Variants in PPP2R2C observed in about 807,000 individuals in gnomAD.
The protein encoded by PPP2R2C is protein phosphatase 2 regulatory subunit Bgamma.
PPP2R2C carries 10 observed loss-of-function variants against 45.3 expected under a neutral mutation model. The ratio of observed to expected loss-of-function variants is 0.22; its 90% CI spans 0.14 to 0.37. The LOEUF (loss-of-function observed/expected upper bound fraction) is 0.37. PPP2R2C is among the 10% of genes least tolerant of loss of function. The pLI, the probability that PPP2R2C is intolerant of heterozygous loss-of-function variation, is 1.00. For synonymous variants in PPP2R2C, 257 were observed against 245.4 expected (o/e 1.05, Z -0.44); for missense variants, 308 against 619.7 (o/e 0.50, Z 5.34).
chr4:6,447,253 G>T (rs565021681), intron 1 of PPP2R2C, among the ~76,000 whole-genome samples: 1 of 152,154 alleles, frequency 6.6e-6, no homozygotes, highest in Non-Finnish European at 1.5e-5. Flanking sequence ...GAGGAGGCCT[G>T]CGGTGCAGAG....
intron 1 of PPP2R2C, chr4:6,383,703 T>C (rs1355141701): frequency 4.4e-6 from 3 of 680,288 alleles, no homozygotes; most frequent in Non-Finnish European, 5.9e-6. Context: ...TTTTTCTTTC[T>C]GTAAAGGCTT....
At chr4:6,528,041 C>G (rs1164247863) in intron 2 of PPP2R2C, among the ~76,000 whole-genome samples, 5 of 152,258 alleles carry the variant, frequency 3.3e-5, no homozygotes, top group Admixed American at 3.3e-4. Context: ...AATCTCAGGA[C>G]GGTGAGCGCA....
At chr4:6,432,180 T>A (rs908921201) in intron 1 of PPP2R2C, among the ~76,000 whole-genome samples, 1 of 152,192 alleles carries the variant, frequency 6.6e-6, no homozygotes, top group African/African-American at 2.4e-5. Context: ...CCCATCCTCA[T>A]GGCTATGGTC....
chr4:6,449,253 C>G (rs1160579390), intron 1 of PPP2R2C, among the ~76,000 whole-genome samples: 3 of 152,192 alleles, frequency 2.0e-5, no homozygotes, highest in African/African-American at 7.2e-5. Flanking sequence ...CTAGACACAA[C>G]CTGATGTTGA....
chr4:6,435,478 T>C (rs1158326811), intron 1 of PPP2R2C, among the ~76,000 whole-genome samples: 1 of 152,234 alleles, frequency 6.6e-6, no homozygotes. Context: ...GATATTTTCA[T>C]CTGATTTATG....
intron 2 of PPP2R2C, among the ~76,000 whole-genome samples, chr4:6,525,923 C>T (rs572962817): frequency 1.0e-3 from 155 of 152,192 alleles, no homozygotes; most frequent in African/African-American, 3.5e-3. Flanking sequence ...AGGCTGGTCT[C>T]GAACTCCTGA....
At chr4:6,383,773 A>G (rs1716030150) in intron 1 of PPP2R2C, 1 of 990,184 alleles carries the variant, frequency 1.0e-6, no homozygotes, top group East Asian at 1.0e-4. Context: ...CAGGAGCCTC[A>G]GGCTTAATTC....
At chr4:6,417,116 GTC>G (rs972659431) in intron 1 of PPP2R2C, among the ~76,000 whole-genome samples, 1 of 152,230 alleles carries the variant, frequency 6.6e-6, no homozygotes. Context: ...GAGGTTCCGT[GTC>G]TCTCTTTGCC....
upstream of PPP2R2C, among the ~76,000 whole-genome samples, chr4:6,472,687 G>C (rs1274247858): frequency 6.6e-6 from 1 of 151,174 alleles, no homozygotes; most frequent in East Asian, 1.9e-4. Flanking sequence ...CCGCCCCCGC[G>C]GCCCTGCAGG....
At chr4:6,511,597 A>G (rs796393013) in intron 2 of PPP2R2C, among the ~76,000 whole-genome samples, 15 of 1,256 alleles carry the variant, frequency 0.012, no homozygotes, top group African/African-American at 0.044. Flanking sequence ...GGTGGTGGTG[A>G]TGGGGGTGGT....
At chr4:6,455,254 TA>T (rs1452784170) in intron 1 of PPP2R2C, among the ~76,000 whole-genome samples, 5 of 152,204 alleles carry the variant, frequency 3.3e-5, no homozygotes, top group Admixed American at 6.5e-5. Context: ...TGCAAGCCCT[TA>T]AAAACACCTA....
intron 1 of PPP2R2C, among the ~76,000 whole-genome samples, chr4:6,396,708 C>A (rs1435173331): frequency 2.0e-5 from 3 of 152,370 alleles, no homozygotes; most frequent in Non-Finnish European, 4.4e-5. Flanking sequence ...AGATAAGGAA[C>A]CTGAGGCTCC....
intron 6 of PPP2R2C, among the ~76,000 whole-genome samples, chr4:6,334,182 TG>T: frequency 6.6e-6 from 1 of 152,292 alleles, no homozygotes; most frequent in Admixed American, 6.5e-5. Flanking sequence ...CCTGGGACCT[TG>T]GGCCAGTAGT....
chr4:6,389,257 G>A (rs1322367542), intron 1 of PPP2R2C, among the ~76,000 whole-genome samples: 1 of 152,216 alleles, frequency 6.6e-6, no homozygotes, highest in East Asian at 1.9e-4. Flanking sequence ...GAGGCCTGCA[G>A]ACAGGAGATG....
At chr4:6,381,631 T>C in intron 1 of PPP2R2C, 3 of 1,493,624 alleles carry the variant, frequency 2.0e-6, no homozygotes, top group Non-Finnish European at 2.7e-6. Context: ...TGGCCCCACC[T>C]CCAGGCAGGC....
chr4:6,344,397 G>A (rs576466493), intron 6 of PPP2R2C, among the ~76,000 whole-genome samples: 127 of 152,306 alleles, frequency 8.3e-4, no homozygotes, highest in African/African-American at 2.9e-3. Context: ...TGAAATGGAT[G>A]TGTCTGTGCT....
At chr4:6,456,107 T>TA (rs1212614775) in intron 1 of PPP2R2C, among the ~76,000 whole-genome samples, 1 of 152,230 alleles carries the variant, frequency 6.6e-6, no homozygotes, top group Non-Finnish European at 1.5e-5. Context: ...ATTGAATGAA[T>TA]AATAATACCT....
chr4:6,534,113 C>T (rs1317827640), intron 2 of PPP2R2C, among the ~76,000 whole-genome samples: 12 of 150,958 alleles, frequency 7.9e-5, no homozygotes, highest in Admixed American at 7.9e-4. Context: ...CACACACCAA[C>T]ATACACATCA....
chr4:6,350,505 G>A (rs1482346396), intron 5 of PPP2R2C: 37 of 985,432 alleles, frequency 3.8e-5, no homozygotes, highest in Non-Finnish European at 4.1e-5. Flanking sequence ...GAAGCGCCCA[G>A]GAACGTGAGT....
Sources: gnomAD v4.1 joint callset for allele counts (sites outside exome capture counted in the v4.1 genomes callset) on GRCh38, gnomAD v4.1.1 for gene constraint, MANE v1.5 for transcripts, NCBI Gene and HGNC (gene_info 2026-07-23, HGNC 2026-07-21) for gene names.